CUL3: variants seen among roughly 807,000 people sequenced by gnomAD.
The protein encoded by CUL3 is cullin 3.
CUL3 carries 19 observed loss-of-function variants against 89.1 expected under a neutral mutation model. That is an observed-to-expected ratio of 0.21 (90% CI 0.15 to 0.31). CUL3 has a LOEUF of 0.31. Among genes scored for constraint, CUL3 ranks in the 10% least tolerant of loss-of-function variants. The pLI is 1.00. For synonymous variants in CUL3, 351 were observed against 308.4 expected, an observed-to-expected ratio of 1.14 and a Z score of -1.45; for missense variants, 469 against 942.3, an observed-to-expected ratio of 0.50 and a Z score of 6.58.
chr2:224,497,115 A>G (rs776728179), intron 12 of CUL3, among the ~76,000 whole-genome samples: 5 of 152,190 alleles, frequency 3.3e-5, no homozygotes, highest in Non-Finnish European at 7.4e-5. Flanking sequence ...TAAAATCTAA[A>G]GCTTATTTGC....
At position 224,512,241 on chromosome 2, in the gene CUL3, G is replaced by A. The variant is rs373313103; in HGVS notation, c.655-659C>T. On this transcript the variant is annotated intron_variant, in intron 5 of 15. Coordinates refer to ENST00000264414, the MANE Select transcript of CUL3 (RefSeq NM_003590.5). ...CTCCCGAGTAGCTGGGACTACAGGC[G>A]CCCGCCACCACGCCCGGCTAATTTT... Among the ~76,000 whole-genome samples, 5 of 151,994 alleles carry A rather than the reference G, an allele frequency of 3.3e-5. No individual in the cohort carries two copies. The East Asian group carries it at 5.8e-4, about 18-fold the overall frequency.
Position 224,474,371 on chromosome 2 carries a change from A to T in CUL3, c.2181T>A (p.Thr727=), listed in dbSNP as rs1691239753. ...MQHNVLVAEV[T]QQLKARFLPS... is the part of the protein sequence containing the mutation. ...GTAAGAATCGCGCCTTCAACTGCTG[A>T]GTTACCTAAAAAAGAAAGTAGATAG... is the stretch of plus-strand genomic sequence containing the variant. Residue 727 remains threonine (T), a synonymous_variant, in exon 16 of 16, where the codon ACT becomes ACA. Transcript: ENST00000264414. The T allele has an allele frequency of 1.2e-6, 2 of 1,612,398 alleles. No homozygotes were observed. The highest frequency in any genetic ancestry group is 2.2e-5 in the South Asian group (2 of 90,806).
In CUL3 at chr2:224,566,597, C is replaced by T. The variant is rs545698152; in HGVS notation, c.67-8741G>A. Among the ~76,000 whole-genome samples, 3 of 152,328 alleles carry T rather than the reference C, an allele frequency of 2.0e-5. No individual in the cohort carries two copies. In the East Asian group the frequency reaches 5.8e-4, roughly 29 times the overall value. On this transcript the variant is annotated intron_variant, in intron 1 of 15. Transcript: ENST00000264414. ...TTGATGGTGTCTGGGAACTTGTCTGCTGCCTCTTCAATGGCAGAAGCTGCT... is the reference window on the plus strand; with the variant it reads ...TTGATGGTGTCTGGGAACTTGTCTGTTGCCTCTTCAATGGCAGAAGCTGCT...
rs565549043 is a variant in CUL3 at position 224,470,877 on chromosome 2, C to A, written c.*3368G>T. 4.3e-6 allele frequency: 1 copy of A among 230,014 alleles called. No homozygotes were observed. The highest frequency in any genetic ancestry group is 5.6e-5 in the Admixed American group (1 of 17,708). 14.2% of individuals were successfully genotyped at this position (230,014 alleles called of 1,614,324 possible). A position where few individuals can be genotyped will look rare whatever the true frequency, so the allele number is the denominator to read the frequency against. On this transcript the variant is annotated 3_prime_UTR_variant, in exon 16 of 16. Coordinates refer to ENST00000264414, the MANE Select transcript of CUL3 (RefSeq NM_003590.5). ...ATGAAAATTTTTTAATATGGAAAAT[C>A]ATGTCAATTTGTAACATGGAATATG...
chr2:224,541,204 G>A (rs975444265), intron 2 of CUL3, among the ~76,000 whole-genome samples: 2 of 148,844 alleles, frequency 1.3e-5, no homozygotes, highest in African/African-American at 5.0e-5. Context: ...CCAAATGACT[G>A]TATCCAGAAC....
In CUL3 at chr2:224,470,542, AG is replaced by A. The variant is rs1691092563; in HGVS notation, c.*3702del. ...TTCTTCCTTCTGGCTAATTTGACAT[AG>A]GAAAGGCACACAAAGGAAAACATTT... On this transcript the variant is annotated 3_prime_UTR_variant, in exon 16 of 16. Coordinates refer to ENST00000264414, the MANE Select transcript of CUL3 (RefSeq NM_003590.5). 1.7e-5 allele frequency: 4 copies of A among 231,600 alleles called. No individual in the cohort carries two copies. Among genetic ancestry groups the A allele is most frequent in the East Asian group, 6.1e-5 (1 of 16,294 alleles). The allele number at this position is 231,600 out of a possible 1,614,324, so 14.3% of individuals were successfully genotyped here.
chr2:224,524,577 G>A (rs1242985349), intron 3 of CUL3, among the ~76,000 whole-genome samples: 1 of 152,082 alleles, frequency 6.6e-6, no homozygotes, highest in East Asian at 1.9e-4. Context: ...CTGTGAATAG[G>A]TATGTCCTGG....
rs1372407197 is a variant in CUL3 at position 224,471,495 on chromosome 2, A to G, written c.*2750T>C. 4.6e-5 allele frequency: 9 copies of G among 193,940 alleles called. No homozygotes were observed. Among genetic ancestry groups the G allele is most frequent in the African/African-American group, 1.4e-4 (6 of 43,184 alleles). The allele number at this position is 193,940 out of a possible 1,614,324, so 12.0% of individuals were successfully genotyped here. On this transcript the variant is annotated 3_prime_UTR_variant, in exon 16 of 16. Coordinates refer to ENST00000264414, the MANE Select transcript of CUL3 (RefSeq NM_003590.5). Reference sequence around the variant, plus strand: ...TTCTGCTACCCAACATATCCGGTGAACAAAACATCAACAGTGCTTCACTAT... The same window carrying G: ...TTCTGCTACCCAACATATCCGGTGAGCAAAACATCAACAGTGCTTCACTAT...
chr2:224,529,391 G>A (rs1006811454), intron 3 of CUL3, among the ~76,000 whole-genome samples: 11 of 151,540 alleles, frequency 7.3e-5, no homozygotes, highest in African/African-American at 2.7e-4. Context: ...GCCGAGGTAG[G>A]CAGATCACGA....
chr2:224,544,931 G>C (rs1694243920), intron 2 of CUL3, among the ~76,000 whole-genome samples: 1 of 152,006 alleles, frequency 6.6e-6, no homozygotes, highest in Admixed American at 6.6e-5. Flanking sequence ...CAAAAATAGG[G>C]GCAGGTCAGG....
In CUL3 at chr2:224,565,608, G is replaced by C. The variant is rs568220170; in HGVS notation, c.67-7752C>G. 1.2e-4 allele frequency among the ~76,000 whole-genome samples: 18 copies of C among 152,254 alleles called. No individual in the cohort carries two copies. In the South Asian group the frequency reaches 3.7e-3, roughly 32 times the overall value. On this transcript the variant is annotated intron_variant, in intron 1 of 15. Coordinates refer to ENST00000264414, the MANE Select transcript of CUL3 (RefSeq NM_003590.5). The stretch of plus-strand genomic sequence containing the variant: ...ATGTCGTAAAAGTCAAAGCATTCTT[G>C]AGTATCAGAAACCTCCTGCCAGATT...
At chr2:224,540,404 TAAAA>T (rs576421225) in intron 2 of CUL3, among the ~76,000 whole-genome samples, 8 of 144,962 alleles carry the variant, frequency 5.5e-5, no homozygotes, top group Non-Finnish European at 3.0e-5. Context: ...ACTTTATATT[TAAAA>T]AAAAAAGGGA....
In CUL3 at chr2:224,485,424, A is replaced by C. The variant is rs972333356; in HGVS notation, c.1843-3346T>G. On this transcript the variant is annotated intron_variant, in intron 13 of 15. Transcript: ENST00000264414. The surrounding 1 kb of genome is among the most constrained non-coding windows in gnomAD (Gnocchi z 4.1). Reference sequence around the variant, plus strand: ...AGTCTGAAGTCAACCTGGGACACTCAAGCTTGGTGGGGGGAGGGGCGTCCA... The same window carrying C: ...AGTCTGAAGTCAACCTGGGACACTCCAGCTTGGTGGGGGGAGGGGCGTCCA... 3 of 152,190 alleles carry C rather than the reference A, an allele frequency of 2.0e-5. No homozygotes were observed. The highest frequency in any genetic ancestry group is 7.2e-5 in the African/African-American group (3 of 41,398). The allele number at this position is 152,190 out of a possible 1,614,324, so 9.4% of individuals were successfully genotyped here. A position where few individuals can be genotyped will look rare whatever the true frequency, so the allele number is the denominator to read the frequency against.
rs1190571878 is a variant in CUL3, at chr2:224,470,748, A to C, written c.*3497T>G. The C allele has an allele frequency of 1.7e-5, 4 of 231,860 alleles. No homozygotes were observed. The highest frequency in any genetic ancestry group is 8.8e-5 in the African/African-American group (4 of 45,314). The allele number at this position is 231,860 out of a possible 1,614,324, so 14.4% of individuals were successfully genotyped here. On this transcript the variant is annotated 3_prime_UTR_variant, in exon 16 of 16. Coordinates refer to ENST00000264414, the MANE Select transcript of CUL3 (RefSeq NM_003590.5). ...TCCTACCAAAAGTTGGTATCAGCAA[A>C]TAATGTAAAGCTAACAAAAATGTGC...
intron 1 of CUL3, among the ~76,000 whole-genome samples, chr2:224,558,099 A>T (rs571253680): frequency 3.0e-4 from 45 of 152,096 alleles, no homozygotes; most frequent in Non-Finnish European, 5.4e-4. Context: ...CTCCAATCTT[A>T]CCTGGAGCAG....
chr2:224,515,580 T>C (rs556956039), intron 3 of CUL3, among the ~76,000 whole-genome samples: 29 of 152,326 alleles, frequency 1.9e-4, no homozygotes, highest in African/African-American at 7.0e-4. Flanking sequence ...AGCCCATATC[T>C]TTCACCAGAT....
intron 15 of CUL3, among the ~76,000 whole-genome samples, chr2:224,476,408 T>C (rs1044442658): frequency 3.3e-5 from 5 of 152,136 alleles, no homozygotes; most frequent in African/African-American, 1.2e-4. Flanking sequence ...AACACAAATT[T>C]ATAGTATTCA....
rs147140520 is a variant in CUL3, at chr2:224,492,508, T to G, written c.1842+3324A>C. Reference sequence around the variant, plus strand: ...TAAAGAACATTAACAAAAATATGTATTAATAGTTCTTATCCATACCTCTTT... The same window carrying G: ...TAAAGAACATTAACAAAAATATGTAGTAATAGTTCTTATCCATACCTCTTT... On this transcript the variant is annotated intron_variant, in intron 13 of 15. Coordinates refer to ENST00000264414, the MANE Select transcript of CUL3 (RefSeq NM_003590.5). 2.8e-3 allele frequency among the ~76,000 whole-genome samples: 421 copies of G among 152,298 alleles called. 3 individuals carry two copies. The highest frequency in any genetic ancestry group is 9.7e-3 in the African/African-American group (402 of 41,566).
Position 224,503,077 on chromosome 2 carries a change from G to A in CUL3, c.1378-5C>T, listed in dbSNP as rs2106194959. 1 of 1,582,280 alleles carries A rather than the reference G, an allele frequency of 6.3e-7. No individual in the cohort carries two copies. The highest frequency in any genetic ancestry group is 1.1e-5 in the South Asian group (1 of 89,856). ...GAACTGACATCCACATTCAGTCTGT[G>A]GAGGAAAAACACAAATATACACAAA... On this transcript the variant is annotated splice_region_variant and splice_polypyrimidine_tract_variant and intron_variant, in intron 9 of 15. Coordinates refer to ENST00000264414, the MANE Select transcript of CUL3 (RefSeq NM_003590.5).
Sources: allele counts gnomAD v4.1 joint callset (sites outside exome capture counted in the v4.1 genomes callset), GRCh38; gene constraint gnomAD v4.1.1; non-coding constraint Gnocchi (gnomAD v3.1); transcripts MANE v1.5; gene names NCBI Gene and HGNC (gene_info 2026-07-23, HGNC 2026-07-21).